TRDN: variants seen among roughly 807,000 people sequenced by gnomAD.
The protein encoded by TRDN is triadin.
TRDN carries 161 observed loss-of-function variants against 149.7 expected under a neutral mutation model. That is an observed-to-expected ratio of 1.08 (90% CI 0.95 to 1.23). The LOEUF (loss-of-function observed/expected upper bound fraction) is 1.23. Ranked by LOEUF, TRDN falls within the 50% of genes most tolerant of loss-of-function variation. The pLI is 0.00. For synonymous variants in TRDN, 294 were observed against 250.5 expected, an observed-to-expected ratio of 1.17 and a Z score of -1.64; for missense variants, 896 against 823.5, an observed-to-expected ratio of 1.09 and a Z score of -1.08.
At position 123,634,844 on chromosome 6, in the gene TRDN, C is replaced by T. The variant is rs2096045283; in HGVS notation, c.22+1910G>A. ...CCGGAAGTGGAAAATGACCATCACC[C>T]AAGAATTAGATGGTATTTCTACTTT... On this transcript the variant is annotated intron_variant, in intron 1 of 40. Coordinates refer to ENST00000334268, the MANE Select transcript of TRDN (RefSeq NM_006073.4). 2.0e-5 allele frequency among the ~76,000 whole-genome samples: 3 copies of T among 151,834 alleles called. 1 individual carries two copies. The South Asian group carries it at 6.2e-4, about 31-fold the overall frequency.
intron 1 of TRDN, among the ~76,000 whole-genome samples, chr6:123,635,323 AACACACACAC>A (rs141018949): frequency 6.8e-6 from 1 of 147,264 alleles, no homozygotes; most frequent in East Asian, 2.0e-4. Context: ...CAGAAAAGAA[AACACACACAC>A]ACACACACAC....
In TRDN at chr6:123,585,570, A is replaced by G. The variant is rs557209684; in HGVS notation, c.23-14438T>C. Among the ~76,000 whole-genome samples the G allele has an allele frequency of 1.7e-3, 258 of 152,302 alleles. 2 individuals are homozygous for G. Among genetic ancestry groups the G allele is most frequent in the African/African-American group, 4.9e-3 (203 of 41,566 alleles). ...AGCGTCAGTCTTCAGCCGCTAAGCC[A>G]AGAAGATCTGGGAAGGAGTCTGAGA... On this transcript the variant is annotated intron_variant, in intron 1 of 40. Transcript: ENST00000334268.
Position 123,216,582 on chromosome 6 carries a change from T to C in TRDN, c.*2019A>G, listed in dbSNP as rs1421109362. 6.6e-6 allele frequency: 1 copy of C among 151,846 alleles called. No homozygotes were observed. Among genetic ancestry groups the C allele is most frequent in the African/African-American group, 2.4e-5 (1 of 41,408 alleles). The allele number at this position is 151,846 out of a possible 1,614,324, so 9.4% of individuals were successfully genotyped here. On this transcript the variant is annotated 3_prime_UTR_variant, in exon 41 of 41. Transcript: ENST00000334268. ...GTAAAATAGTCAGAGGAAAAACTAG[T>C]GCCATACCCAAAAGTATTACTTCAG...
Position 123,271,159 on chromosome 6 carries a change from G to A in TRDN, c.1700C>T (p.Ala567Val), listed in dbSNP as rs545470302. Residue 567 changes from alanine (A) to valine (V), a missense_variant, in exon 30 of 41, where the codon GCT (alanine) becomes GTT (valine). Transcript: ENST00000334268. ...TTTACCTGTTTTTTCTATTGTGACA[G>A]CTTTTACCTGCTTGAGAACTTTTTC... Reference protein sequence around the residue: ...PEEKVLKQVKAVTIEKTAKPK... With the variant: ...PEEKVLKQVKVVTIEKTAKPK... 8 of 1,536,272 alleles carry A rather than the reference G, an allele frequency of 5.2e-6. No individual in the cohort carries two copies. The Admixed American group carries it at 1.2e-4, about 24-fold the overall frequency.
At chr6:123,246,399 A>T (rs149556922) in intron 38 of TRDN, among the ~76,000 whole-genome samples, 4,457 of 152,234 alleles carry the variant, frequency 0.029, 210 homozygotes, top group African/African-American at 0.1. Flanking sequence ...GATAAAGGGG[A>T]TATCACCACT....
chr6:123,584,448 C>T (rs4060802), intron 1 of TRDN, among the ~76,000 whole-genome samples: 123,906 of 151,252 alleles, frequency 0.82, 50,935 homozygotes, highest in East Asian at 0.98. Flanking sequence ...CTACAGGGTG[C>T]GGTCCTGGCT....
intron 24 of TRDN, among the ~76,000 whole-genome samples, chr6:123,291,347 G>A (rs1036542468): frequency 6.6e-6 from 1 of 152,006 alleles, no homozygotes; most frequent in African/African-American, 2.4e-5. Context: ...GGTGGATCAG[G>A]AGGTCAGGTG....
chr6:123,400,860 A>G (rs1364518156), intron 12 of TRDN, among the ~76,000 whole-genome samples: 1 of 152,166 alleles, frequency 6.6e-6, no homozygotes, highest in Admixed American at 6.5e-5. Context: ...TCCTTACCCA[A>G]TTTGGAAATG....
At chr6:123,486,655 C>A (rs189607700) in intron 9 of TRDN, among the ~76,000 whole-genome samples, 38 of 151,676 alleles carry the variant, frequency 2.5e-4, no homozygotes, top group South Asian at 8.3e-4. Context: ...AGGCATTAAT[C>A]ATATTAATCA....
intron 5 of TRDN, chr6:123,528,879 T>A: frequency 2.2e-5 from 23 of 1,030,076 alleles, no homozygotes; most frequent in Non-Finnish European, 2.7e-5. Flanking sequence ...TTCACTTTCT[T>A]AAGAAATAGT....
chr6:123,520,462 C>T lies in TRDN; in HGVS notation c.485-4256G>A, dbSNP rs181293586. Among the ~76,000 whole-genome samples, 122 of 152,244 alleles carry T rather than the reference C, an allele frequency of 8.0e-4. 1 individual carries two copies. The highest frequency in any genetic ancestry group is 1.2e-3 in the Non-Finnish European group (83 of 68,010). ...AGCCATGTCTGTTCCAGGTTCTGTG[C>T]AGACTATAAACTTGTTCTCATAAGC... On this transcript the variant is annotated intron_variant, in intron 5 of 40. Transcript: ENST00000334268.
chr6:123,312,276 C>T (rs890771983), intron 24 of TRDN, among the ~76,000 whole-genome samples: 1 of 151,902 alleles, frequency 6.6e-6, no homozygotes, highest in African/African-American at 2.4e-5. Context: ...ATGCTTCTGA[C>T]CCATTTGCAT....
At chr6:123,493,572 T>C (rs762260797) in intron 9 of TRDN, among the ~76,000 whole-genome samples, 20 of 152,112 alleles carry the variant, frequency 1.3e-4, no homozygotes, top group Non-Finnish European at 2.2e-4. Context: ...GGTGTGACAG[T>C]ACAAAGGAAA....
chr6:123,570,908 T>A lies in TRDN; in HGVS notation c.232+15A>T, dbSNP rs769101414. On this transcript the variant is annotated intron_variant, in intron 2 of 40. Transcript: ENST00000334268. ...AATTAATTTTAATTTTAAAGCCAAATTTTATGGAACTTACCTGAAAAGTTT... is the reference window on the plus strand; with the variant it reads ...AATTAATTTTAATTTTAAAGCCAAAATTTATGGAACTTACCTGAAAAGTTT... 3.7e-6 allele frequency: 6 copies of A among 1,609,428 alleles called. No homozygotes were observed. Among genetic ancestry groups the A allele is most frequent in the Non-Finnish European group, 5.1e-6 (6 of 1,176,512 alleles).
intron 23 of TRDN, among the ~76,000 whole-genome samples, chr6:123,325,540 G>T (rs1423960477): frequency 6.6e-6 from 1 of 152,050 alleles, no homozygotes; most frequent in Admixed American, 6.6e-5. Context: ...TAAAAATTTA[G>T]AGTAGTGAAT....
At position 123,333,031 on chromosome 6, in the gene TRDN, A is replaced by G. The variant is rs545516919; in HGVS notation, c.1421-1102T>C. 2.0e-5 allele frequency among the ~76,000 whole-genome samples: 3 copies of G among 152,202 alleles called. No individual in the cohort carries two copies. The East Asian group carries it at 5.8e-4, about 29-fold the overall frequency. On this transcript the variant is annotated intron_variant, in intron 22 of 40. Transcript: ENST00000334268. ...TGTTGCTATTTATGGTGTTGTGTAT[A>G]AATAGTGCTATTTTTCCATACTTCA...
intron 12 of TRDN, among the ~76,000 whole-genome samples, chr6:123,420,076 GAGTTAATGCA>G (rs1464911138): frequency 6.6e-6 from 1 of 152,150 alleles, no homozygotes; most frequent in African/African-American, 2.4e-5. Flanking sequence ...AAGTTTTAAG[GAGTTAATGCA>G]AGCAAAGTGC....
At chr6:123,565,748 C>T (rs1020121805) in intron 2 of TRDN, among the ~76,000 whole-genome samples, 1 of 152,218 alleles carries the variant, frequency 6.6e-6, no homozygotes, top group Non-Finnish European at 1.5e-5. Context: ...ACATCTCCAG[C>T]GCACACTGGG....
intron 24 of TRDN, among the ~76,000 whole-genome samples, chr6:123,291,917 G>A (rs1296589652): frequency 6.6e-6 from 1 of 152,142 alleles, no homozygotes; most frequent in African/African-American, 2.4e-5. Context: ...TGCTGTTGTG[G>A]TCTGATGGTA....
Sources: gnomAD v4.1 joint callset for allele counts (sites outside exome capture counted in the v4.1 genomes callset) on GRCh38, gnomAD v4.1.1 for gene constraint, MANE v1.5 for transcripts, NCBI Gene and HGNC (gene_info 2026-07-23, HGNC 2026-07-21) for gene names.